TMEM63B: variants seen among roughly 807,000 people sequenced by gnomAD.
TMEM63B encodes the protein transmembrane protein 63B, also known as mechanosensitive cation channel TMEM63B.
TMEM63B carries 23 observed loss-of-function variants against 102.6 expected under a neutral mutation model. The observed-to-expected ratio is 0.22, with a 90% CI of 0.16 to 0.32. The LOEUF (loss-of-function observed/expected upper bound fraction) is 0.32, where lower values mean the gene tolerates loss of function less well. Among genes scored for constraint, TMEM63B ranks in the 10% least tolerant of loss-of-function variants. TMEM63B has a pLI of 1.00. For missense variants in TMEM63B, 628 were observed against 1,095.9 expected, an observed-to-expected ratio of 0.57 and a Z score of 6.03; for synonymous variants, 444 against 437.0, an observed-to-expected ratio of 1.02 and a Z score of -0.20.
At position 44,150,023 on chromosome 6, in the gene TMEM63B, T is replaced by A; in HGVS notation, c.1520+58T>A. The A allele has an allele frequency of 1.3e-6, 2 of 1,534,252 alleles. No individual in the cohort carries two copies. Among genetic ancestry groups the A allele is most frequent in the Non-Finnish European group, 1.8e-6 (2 of 1,119,772 alleles). On this transcript the variant is annotated intron_variant, in intron 16 of 23. Transcript: ENST00000323267. The surrounding 1 kb of genome is among the most constrained non-coding windows in gnomAD (Gnocchi z 4.7). ...GTGGCCTGCCCTCAATGACCCATCC[T>A]CTCTGGGCAGCACTTTGCCCTTCAG...
At position 44,147,328 on chromosome 6, in the gene TMEM63B, A is replaced by G. The variant is rs1433397480; in HGVS notation, c.864-49A>G. On this transcript the variant is annotated intron_variant, in intron 11 of 23. Coordinates refer to ENST00000323267, the MANE Select transcript of TMEM63B (RefSeq NM_018426.3). ...AGTGAGCTAGATGACCCCCAAGCTG[A>G]GCCAGCCCCAGCCCCAGATGTAGGT... The G allele has an allele frequency of 6.8e-6, 11 of 1,613,686 alleles. No individual in the cohort carries two copies. The East Asian group carries it at 2.5e-4, about 36-fold the overall frequency.
intron 4 of TMEM63B, 110 bp from the exon 5 acceptor site, chr6:44,136,239 C>T (rs1428237767): frequency 3.0e-5 from 25 of 839,344 alleles, no homozygotes; most frequent in Middle Eastern, 2.5e-4. Context: ...CTCTGCGCTT[C>T]CTGTGCCTTC....
chr6:44,140,213 G>A (rs1763950104), intron 8 of TMEM63B, 39 bp from the exon 9 acceptor site: 1 of 1,534,558 alleles, frequency 6.5e-7, no homozygotes, highest in Admixed American at 1.7e-5. Context: ...GTGTGTCCTA[G>A]CCCCAGTGGC....
Position 44,153,797 on chromosome 6 carries a change from C to T in TMEM63B, c.2064C>T (p.Pro688=). ...CTGTGAACCAGGTGGTGGCCGCGCC[C>T]ATCCTCTGCCTCTTCTGGCTGCTCT... ...SGAVNQVVAA[P]ILCLFWLLFF... The change falls in exon 21 of 24, where the codon CCC becomes CCT. Residue 688 remains proline (P), a synonymous_variant. Transcript: ENST00000323267. 1 of 1,614,130 alleles carries T rather than the reference C, an allele frequency of 6.2e-7. No homozygotes were observed. Among genetic ancestry groups the T allele is most frequent in the Non-Finnish European group, 8.5e-7 (1 of 1,180,012 alleles).
chr6:44,144,460 C>T (rs535561650), intron 10 of TMEM63B, among the ~76,000 whole-genome samples: 4 of 152,250 alleles, frequency 2.6e-5, no homozygotes, highest in African/African-American at 9.6e-5. Context: ...CTCTAGCCTC[C>T]TGGGAAGTAC....
At chr6:44,133,534 A>G (rs1762346024) in intron 1 of TMEM63B, among the ~76,000 whole-genome samples, 1 of 152,178 alleles carries the variant, frequency 6.6e-6, no homozygotes, top group Admixed American at 6.5e-5. Flanking sequence ...GCAGTGCTGC[A>G]TCTGTTGAGG....
intron 1 of TMEM63B, among the ~76,000 whole-genome samples, chr6:44,132,669 C>T (rs758142493): frequency 6.6e-6 from 1 of 152,154 alleles, no homozygotes; most frequent in Non-Finnish European, 1.5e-5. Context: ...TTCACACCCC[C>T]ACTTCGAAGC....
intron 1 of TMEM63B, chr6:44,132,199 T>G (rs372359473): frequency 5.3e-6 from 5 of 941,492 alleles, no homozygotes; most frequent in Non-Finnish European, 1.3e-6. Context: ...GAGTGTGCCC[T>G]GCCTTCCTCC....
At chr6:44,151,713 G>A in intron 18 of TMEM63B, 133 bp from the exon 19 acceptor site, 3 of 1,052,882 alleles carry the variant, frequency 2.8e-6, no homozygotes, top group South Asian at 3.1e-5. Flanking sequence ...GGTGCTTGGG[G>A]CGCTAAGCTG....
chr6:44,132,271 C>T lies in TMEM63B; in HGVS notation c.-24-2290C>T, dbSNP rs371973308. The T allele has an allele frequency of 2.4e-4, 235 of 985,376 alleles. 1 individual carries two copies. In the African/African-American group the frequency reaches 3.5e-3, roughly 15 times the overall value. 61.0% of individuals were successfully genotyped at this position (985,376 alleles called of 1,614,324 possible). On this transcript the variant is annotated intron_variant, in intron 1 of 23. Coordinates refer to ENST00000323267, the MANE Select transcript of TMEM63B (RefSeq NM_018426.3). Reference sequence around the variant, plus strand: ...AGAGTACTTTGTGACCCCAAGGAGGCGGACAGCAGAGGAGCATGGTGATTT... The same window carrying T: ...AGAGTACTTTGTGACCCCAAGGAGGTGGACAGCAGAGGAGCATGGTGATTT...
At position 44,134,662 on chromosome 6, in the gene TMEM63B, C is replaced by G; in HGVS notation, c.78C>G (p.Ala26=). The change falls in exon 2 of 24, where the codon GCC becomes GCG. Residue 26 remains alanine (A), a synonymous_variant. Transcript: ENST00000323267. ...ACCCCAAGGACTACTGCTACAGCGC[C>G]CGCATCCGCAGCACTGTCCTGCAGG... ...NSNPKDYCYS[A]RIRSTVLQGL... The G allele has an allele frequency of 6.2e-7, 1 of 1,614,236 alleles. No individual in the cohort carries two copies. The highest frequency in any genetic ancestry group is 8.5e-7 in the Non-Finnish European group (1 of 1,180,042).
intron 2 of TMEM63B, 85 bp downstream of exon 2, chr6:44,134,828 C>A (rs1433065212): frequency 2.0e-6 from 3 of 1,493,100 alleles, no homozygotes; most frequent in African/African-American, 4.2e-5. Context: ...CACTCTCCCA[C>A]CTGCCCCGGT....
chr6:44,128,921 A>G lies in TMEM63B; in HGVS notation c.-25+1243A>G, dbSNP rs1032646538. On this transcript the variant is annotated intron_variant, in intron 1 of 23. Transcript: ENST00000323267. ...TCTTGGCCTGTGGGTGGATGGGGACATGGCAAGGCAGAAGGCAGGCAGTGG... is the reference window on the plus strand; with the variant it reads ...TCTTGGCCTGTGGGTGGATGGGGACGTGGCAAGGCAGAAGGCAGGCAGTGG... Among the ~76,000 whole-genome samples, 8 of 152,338 alleles carry G rather than the reference A, an allele frequency of 5.3e-5. 1 individual carries two copies. The South Asian group carries it at 6.2e-4, about 12-fold the overall frequency.
At chr6:44,140,968 C>T (rs1459493543) in intron 9 of TMEM63B, 60 bp from the exon 10 acceptor site, 1 of 1,505,820 alleles carries the variant, frequency 6.6e-7, no homozygotes, top group East Asian at 2.3e-5. Flanking sequence ...CCACCCCTCA[C>T]ATCCCCTGGC....
Position 44,150,078 on chromosome 6 carries a change from G to C in TMEM63B, c.1520+113G>C, listed in dbSNP as rs1279046375. ...CTGGCCCTGGGCAGTCCCACAGCTGGTAGGGAAGGGGTAGTGCCCAGCACC... is the reference window on the plus strand; with the variant it reads ...CTGGCCCTGGGCAGTCCCACAGCTGCTAGGGAAGGGGTAGTGCCCAGCACC... On this transcript the variant is annotated intron_variant, in intron 16 of 23. Transcript: ENST00000323267. This position sits in a 1 kb window ranked among gnomAD's most constrained non-coding sequence, Gnocchi z 4.7. 1.5e-6 allele frequency: 2 copies of C among 1,328,026 alleles called. No individual in the cohort carries two copies. Among genetic ancestry groups the C allele is most frequent in the African/African-American group, 2.9e-5 (2 of 69,140 alleles). The allele number at this position is 1,328,026 out of a possible 1,614,324, so 82.3% of individuals were successfully genotyped here. A position where few individuals can be genotyped will look rare whatever the true frequency, so the allele number is the denominator to read the frequency against.
chr6:44,138,609 C>T, intron 6 of TMEM63B, 92 bp downstream of exon 6: 1 of 1,470,108 alleles, frequency 6.8e-7, no homozygotes, highest in Non-Finnish European at 9.5e-7. Context: ...GCTTTCAGGG[C>T]CTTAGCACTC....
Position 44,152,838 on chromosome 6 carries a change from T to C in TMEM63B, c.1942+140T>C, listed in dbSNP as rs1430507205. ...CCCCTCGGGGCTCCCGCCCGGTCCC[T>C]GGCTCAGTCTGGGGCCTGGCCTGTG... On this transcript the variant is annotated intron_variant, in intron 20 of 23. Coordinates refer to ENST00000323267, the MANE Select transcript of TMEM63B (RefSeq NM_018426.3). The surrounding 1 kb of genome is among the most constrained non-coding windows in gnomAD (Gnocchi z 6.4). The C allele has an allele frequency of 7.3e-6, 5 of 685,394 alleles. No homozygotes were observed. The highest frequency in any genetic ancestry group is 1.2e-5 in the Non-Finnish European group (5 of 404,230). 42.5% of individuals were successfully genotyped at this position (685,394 alleles called of 1,614,324 possible).
Position 44,139,627 on chromosome 6 carries a change from CGGCT to C in TMEM63B, c.550+19_550+22del. On this transcript the variant is annotated intron_variant, in intron 7 of 23. Coordinates refer to ENST00000323267, the MANE Select transcript of TMEM63B (RefSeq NM_018426.3). ...CCTGCTGGGTCAGTGAGGGCCAGGACGGCTAGGGTGGAGAGAGGATGGGGCTGGA... is the reference window on the plus strand; with the variant it reads ...CCTGCTGGGTCAGTGAGGGCCAGGACAGGGTGGAGAGAGGATGGGGCTGGA... The C allele has an allele frequency of 6.2e-7, 1 of 1,614,096 alleles. No individual in the cohort carries two copies. Among genetic ancestry groups the C allele is most frequent in the Middle Eastern group, 1.7e-4 (1 of 6,060 alleles).
At chr6:44,134,357 G>T (rs1762512980) in intron 1 of TMEM63B, 2 of 545,672 alleles carry the variant, frequency 3.7e-6, no homozygotes, top group African/African-American at 1.9e-5. Context: ...CAGACCCAGG[G>T]TGGGGTCATA....
Sources: gnomAD v4.1 joint callset for allele counts (sites outside exome capture counted in the v4.1 genomes callset) on GRCh38, gnomAD v4.1.1 for gene constraint, Gnocchi (gnomAD v3.1) non-coding constraint, MANE v1.5 for transcripts, NCBI Gene and HGNC (gene_info 2026-07-23, HGNC 2026-07-21) for gene names.